SSBP2: variants seen among roughly 807,000 people sequenced by gnomAD.
SSBP2 encodes the protein single-stranded DNA-binding protein 2.
SSBP2 carries 17 observed loss-of-function variants against 61.8 expected under a neutral mutation model. The ratio of observed to expected loss-of-function variants is 0.28; its 90% CI spans 0.19 to 0.41. The LOEUF (loss-of-function observed/expected upper bound fraction) is 0.41, where lower values mean the gene tolerates loss of function less well. Among genes scored for constraint, SSBP2 ranks in the 10% least tolerant of loss-of-function variants. The pLI is 1.00. For missense variants in SSBP2, 310 were observed against 458.7 expected (o/e 0.68, Z 2.96); for synonymous variants, 139 against 141.3 (o/e 0.98, Z 0.12).
chr5:81,658,235 C>T (rs1055888170), intron 1 of SSBP2, among the ~76,000 whole-genome samples: 18 of 152,216 alleles, frequency 1.2e-4, no homozygotes, highest in Admixed American at 7.2e-4. Flanking sequence ...ACTGCCAGCC[C>T]GATGACCACC....
chr5:81,462,850 T>C (rs1265741376), intron 9 of SSBP2, among the ~76,000 whole-genome samples: 1 of 152,154 alleles, frequency 6.6e-6, no homozygotes, highest in Non-Finnish European at 1.5e-5. Context: ...AAAATTTATA[T>C]ATAATAATGT....
intron 4 of SSBP2, among the ~76,000 whole-genome samples, chr5:81,534,753 C>T (rs550609703): frequency 6.6e-6 from 1 of 151,870 alleles, no homozygotes; most frequent in South Asian, 2.1e-4. Flanking sequence ...AATGGAGATA[C>T]AACAAGAATA....
At chr5:81,557,970 ACAGC>A (rs1403719104) in intron 4 of SSBP2, among the ~76,000 whole-genome samples, 31 of 152,302 alleles carry the variant, frequency 2.0e-4, no homozygotes, top group African/African-American at 7.5e-4. Context: ...GTTCTGGGAC[ACAGC>A]CAAATTACTT....
intron 4 of SSBP2, among the ~76,000 whole-genome samples, chr5:81,605,154 T>C (rs1308212396): frequency 1.3e-5 from 2 of 151,808 alleles, no homozygotes; most frequent in East Asian, 3.8e-4. Context: ...ACTGATTCAA[T>C]TCATTGACTC....
At chr5:81,604,192 TA>T (rs1202249459) in intron 4 of SSBP2, among the ~76,000 whole-genome samples, 1 of 151,920 alleles carries the variant, frequency 6.6e-6, no homozygotes, top group Non-Finnish European at 1.5e-5. Flanking sequence ...TTACATGAGA[TA>T]AAAGGTTTTC....
At chr5:81,453,525 C>T (rs1167298982) in intron 10 of SSBP2, among the ~76,000 whole-genome samples, 1 of 145,570 alleles carries the variant, frequency 6.9e-6, no homozygotes, top group Non-Finnish European at 1.5e-5. Context: ...GGCGTGATCT[C>T]GGCTCACTGC....
chr5:81,530,858 G>A (rs1770337331), intron 4 of SSBP2, among the ~76,000 whole-genome samples: 1 of 151,856 alleles, frequency 6.6e-6, no homozygotes, highest in South Asian at 2.1e-4. Flanking sequence ...CCAAAAACTT[G>A]CAAAAAGTAG....
At chr5:81,552,894 T>C (rs1772316905) in intron 4 of SSBP2, among the ~76,000 whole-genome samples, 1 of 152,146 alleles carries the variant, frequency 6.6e-6, no homozygotes, top group African/African-American at 2.4e-5. Context: ...CAATGGATAA[T>C]ATTACACAGC....
intron 1 of SSBP2, among the ~76,000 whole-genome samples, chr5:81,690,648 CTT>C (rs1295438058): frequency 6.6e-6 from 1 of 152,134 alleles, no homozygotes; most frequent in African/African-American, 2.4e-5. Flanking sequence ...CAACAACCCT[CTT>C]TGAGCATTTG....
intron 4 of SSBP2, among the ~76,000 whole-genome samples, chr5:81,550,241 T>G (rs749675145): frequency 1.3e-5 from 2 of 152,258 alleles, no homozygotes; most frequent in African/African-American, 4.8e-5. Flanking sequence ...ATACTATTGT[T>G]GTCTCTGATA....
chr5:81,683,707 C>CA, intron 1 of SSBP2, among the ~76,000 whole-genome samples: 1 of 151,868 alleles, frequency 6.6e-6, no homozygotes, highest in South Asian at 2.1e-4. Flanking sequence ...AAAATGTTTG[C>CA]AAAAAACACA....
rs565342781 is a variant in SSBP2, at chr5:81,605,376, C to T, written c.282+10097G>A. On this transcript the variant is annotated intron_variant, in intron 4 of 16. Transcript: ENST00000320672. ...AAAATTAAAAGGGCTACACAGGAAT[C>T]GCAGTTCAACTTTAAAAAGTCCTAA... Among the ~76,000 whole-genome samples, 3 of 152,186 alleles carry T rather than the reference C, an allele frequency of 2.0e-5. No homozygotes were observed. In the East Asian group the frequency reaches 5.8e-4, roughly 29 times the overall value.
intron 4 of SSBP2, among the ~76,000 whole-genome samples, chr5:81,528,431 AC>A (rs1177348907): frequency 2.6e-5 from 4 of 152,076 alleles, no homozygotes; most frequent in African/African-American, 9.7e-5. Flanking sequence ...AATAAATTAC[AC>A]AACCTTTATG....
rs533032806 is a variant in SSBP2 at position 81,432,794 on chromosome 5, C to T, written c.958-4111G>A. On this transcript the variant is annotated intron_variant, in intron 15 of 16. Transcript: ENST00000320672. The stretch of plus-strand genomic sequence containing the variant: ...CCCCCGCCCGGCCAGCTGCCCCGTC[C>T]GGGAGGGAGGTGGGGGAGTCAGCCC... Among the ~76,000 whole-genome samples the T allele has an allele frequency of 4.2e-4, 52 of 124,018 alleles. No homozygotes were observed. The South Asian group carries it at 0.011, about 27-fold the overall frequency. The allele number at this position is 124,018 out of a possible 152,430, so 81.4% of individuals were successfully genotyped here. A position where few individuals can be genotyped will look rare whatever the true frequency, so the allele number is the denominator to read the frequency against.
intron 1 of SSBP2, among the ~76,000 whole-genome samples, chr5:81,676,594 C>T (rs529145524): frequency 1.3e-5 from 2 of 152,182 alleles, no homozygotes; most frequent in South Asian, 4.1e-4. Flanking sequence ...AGAATTTCCC[C>T]TCCTGCTAAA....
intron 2 of SSBP2, among the ~76,000 whole-genome samples, chr5:81,646,108 G>A (rs144240873): frequency 6.6e-6 from 1 of 152,092 alleles, no homozygotes; most frequent in Non-Finnish European, 1.5e-5. Flanking sequence ...TTCAGATAAT[G>A]CCTGGAGTTC....
At chr5:81,524,704 G>C (rs1035669252) in intron 4 of SSBP2, among the ~76,000 whole-genome samples, 3 of 152,018 alleles carry the variant, frequency 2.0e-5, no homozygotes, top group African/African-American at 4.8e-5. Context: ...AAGTGTTGTG[G>C]TTCCCCTGGT....
intron 6 of SSBP2, among the ~76,000 whole-genome samples, chr5:81,484,075 C>T (rs571188774): frequency 1.1e-3 from 169 of 152,172 alleles, no homozygotes; most frequent in African/African-American, 4.0e-3. Context: ...AATGTATCCC[C>T]CACATCTAGG....
At chr5:81,629,580 C>G (rs1258104127) in intron 3 of SSBP2, among the ~76,000 whole-genome samples, 1 of 152,208 alleles carries the variant, frequency 6.6e-6, no homozygotes, top group African/African-American at 2.4e-5. Flanking sequence ...CAACTTTCAG[C>G]TCAGCTCAGA....
Sources: gnomAD v4.1 joint callset for allele counts (sites outside exome capture counted in the v4.1 genomes callset) on GRCh38, gnomAD v4.1.1 for gene constraint, MANE v1.5 for transcripts, NCBI Gene and HGNC (gene_info 2026-07-23, HGNC 2026-07-21) for gene names.